Variants in TMEM132A observed in about 807,000 individuals in gnomAD.
TMEM132A encodes GRP78-binding protein.
TMEM132A carries 48 observed loss-of-function variants against 69.9 expected under a neutral mutation model. The observed-to-expected ratio is 0.69, with a 90% CI of 0.55 to 0.87. The LOEUF (loss-of-function observed/expected upper bound fraction) is 0.87. Among genes scored for constraint, TMEM132A ranks in the 40% least tolerant of loss-of-function variants. The pLI is 0.00. For missense variants in TMEM132A, 1,287 were observed against 1,407.2 expected, an observed-to-expected ratio of 0.91 and a Z score of 1.37; for synonymous variants, 577 against 613.7, an observed-to-expected ratio of 0.94 and a Z score of 0.88.
Position 60,934,739 on chromosome 11 carries a change from G to A in TMEM132A, c.1811G>A (p.Arg604Gln), listed in dbSNP as rs769358631. Residue 604 changes from arginine to glutamine, a missense_variant, in exon 9 of 11, where the codon CGG becomes CAG. Arg to Gln is a conservative substitution (Grantham distance 43, BLOSUM62 1). Coordinates refer to ENST00000453848, the MANE Select transcript of TMEM132A (RefSeq NM_178031.3). The part of the protein sequence containing the change: ...SLEGGRVVVG[R>Q]EPGVTSIEVR... ...GAGGGTGGCCGTGTCGTGGTGGGCC[G>A]GGAGCCCGGTGTCACCTCCATTGAG... 6 of 1,603,536 alleles carry A rather than the reference G, an allele frequency of 3.7e-6. No individual in the cohort carries two copies. Among genetic ancestry groups the A allele is most frequent in the Non-Finnish European group, 5.1e-6 (6 of 1,175,724 alleles).
At chr11:60,932,596 T>C (rs573917642) in intron 7 of TMEM132A, 1 of 153,554 alleles carries the variant, frequency 6.5e-6, no homozygotes, top group East Asian at 1.9e-4. Flanking sequence ...ATGGCAGTTA[T>C]TGCTGTTATA....
At chr11:60,930,435 C>G (rs2134899964) in intron 4 of TMEM132A, 75 bp from the exon 5 acceptor site, 1 of 1,485,428 alleles carries the variant, frequency 6.7e-7, no homozygotes, top group Non-Finnish European at 9.0e-7. Context: ...GCTTTGGCTC[C>G]TTGTCTTTCC....
chr11:60,934,728 C>T lies in TMEM132A; in HGVS notation c.1800C>T (p.Val600=), dbSNP rs1856552462. The change falls in exon 9 of 11, where the codon GTC becomes GTT. Residue 600 remains valine, a synonymous_variant. Coordinates refer to ENST00000453848, the MANE Select transcript of TMEM132A (RefSeq NM_178031.3). The part of the protein sequence containing the change: ...SRVASLEGGR[V]VVGREPGVTS... ...TAGCCTCTCTGGAGGGTGGCCGTGTCGTGGTGGGCCGGGAGCCCGGTGTCA... is the reference window on the plus strand; with the variant it reads ...TAGCCTCTCTGGAGGGTGGCCGTGTTGTGGTGGGCCGGGAGCCCGGTGTCA... 1.9e-6 allele frequency: 3 copies of T among 1,604,550 alleles called. No homozygotes were observed. Among genetic ancestry groups the T allele is most frequent in the Middle Eastern group, 1.7e-4 (1 of 6,010 alleles).
rs1590631804 is a variant in TMEM132A, at chr11:60,936,161, C to A, written c.2326C>A (p.Leu776Ile). The A allele has an allele frequency of 6.2e-7, 1 of 1,613,918 alleles. No homozygotes were observed. The highest frequency in any genetic ancestry group is 1.3e-5 in the African/African-American group (1 of 75,036). ...CCCTGCCTCCACTCCAGCCCCTGCT[C>A]TCCCATCCAGCCCTGCTTGGAGCCC... ...LPPASTPAPA[L>I]PSSPAWSPPA... Residue 776 changes from leucine to isoleucine, a missense_variant, in exon 11 of 11, where the codon CTC becomes ATC. Coordinates refer to ENST00000453848, the MANE Select transcript of TMEM132A (RefSeq NM_178031.3).
Position 60,936,889 on chromosome 11 carries a change from G to C in TMEM132A, c.3054G>C (p.Arg1018Ser), listed in dbSNP as rs1856620734. Residue 1018 changes from arginine (R) to serine (S), a missense_variant, in exon 11 of 11, where the codon AGG becomes AGC. Coordinates refer to ENST00000453848, the MANE Select transcript of TMEM132A (RefSeq NM_178031.3). ...DPEELRNYME[R>S]IRGSS ...AGGAGCTTCGCAACTACATGGAGAG[G>C]ATCCGGGGCAGCTCCTGACCCTCCA... The C allele has an allele frequency of 3.2e-6, 5 of 1,556,484 alleles. No individual in the cohort carries two copies. In the East Asian group the frequency reaches 9.0e-5, roughly 28 times the overall value.
In TMEM132A at chr11:60,933,529, T is replaced by G; in HGVS notation, c.1357-13T>G. ...TGGCTTAGCCCGCCCACCTGCCCTC[T>G]GCCCTTCCATAGGTGTCTGAGGCCT... On this transcript the variant is annotated splice_polypyrimidine_tract_variant and intron_variant, in intron 7 of 10. Coordinates refer to ENST00000453848, the MANE Select transcript of TMEM132A (RefSeq NM_178031.3). The G allele has an allele frequency of 1.9e-6, 3 of 1,602,156 alleles. No individual in the cohort carries two copies. In the East Asian group the frequency reaches 6.7e-5, roughly 36 times the overall value.
At position 60,936,502 on chromosome 11, in the gene TMEM132A, C is replaced by T. The variant is rs781601097; in HGVS notation, c.2667C>T (p.Ser889=). Reference sequence around the variant, plus strand: ...CCGACAGTGCCACTGACCCCACCTCCCCCCAGCCCCACAACTGGGTCTGGC... The same window carrying T: ...CCGACAGTGCCACTGACCCCACCTCTCCCCAGCCCCACAACTGGGTCTGGC... ...EPPDSATDPT[S]PQPHNWVWLG... Residue 889 remains serine, a synonymous_variant, in exon 11 of 11, where the codon TCC becomes TCT. Coordinates refer to ENST00000453848, the MANE Select transcript of TMEM132A (RefSeq NM_178031.3). 3.7e-6 allele frequency: 6 copies of T among 1,614,002 alleles called. No homozygotes were observed. The African/African-American group carries it at 4.0e-5, about 11-fold the overall frequency.
At chr11:60,931,554 C>A in intron 5 of TMEM132A, 135 bp from the exon 6 acceptor site, 1 of 878,748 alleles carries the variant, frequency 1.1e-6, no homozygotes, top group African/African-American at 1.7e-5. Context: ...GCTGTGTGGT[C>A]TTAAGTGAGC....
In TMEM132A at chr11:60,924,460, A is replaced by T. The variant is rs964474096; in HGVS notation, c.-174A>T. 2.5e-6 allele frequency: 1 copy of T among 394,326 alleles called. No individual in the cohort carries two copies. Among genetic ancestry groups the T allele is most frequent in the Non-Finnish European group, 4.3e-6 (1 of 231,918 alleles). 24.4% of individuals were successfully genotyped at this position (394,326 alleles called of 1,614,324 possible). A position where few individuals can be genotyped will look rare whatever the true frequency, so the allele number is the denominator to read the frequency against. Reference sequence around the variant, plus strand: ...GCTGCGATTCGCTCCCTCCCACCCCACTGCTCCCGCTCCATTGTCTGGGAA... The same window carrying T: ...GCTGCGATTCGCTCCCTCCCACCCCTCTGCTCCCGCTCCATTGTCTGGGAA... On this transcript the variant is annotated 5_prime_UTR_variant, in exon 1 of 11. Transcript: ENST00000453848.
rs145819088 is a variant in TMEM132A at position 60,935,349 on chromosome 11, T to C, written c.1934T>C (p.Met645Thr). 2.5e-6 allele frequency: 4 copies of C among 1,613,012 alleles called. No individual in the cohort carries two copies. Among genetic ancestry groups the C allele is most frequent in the African/African-American group, 1.3e-5 (1 of 74,986 alleles). ...SVLELRVQPV[M>T]GISLTLSRGT... is the part of the protein sequence containing the mutation. ...CTGGAGCTGAGGGTGCAGCCAGTGA[T>C]GGGCATCTCGCTGACCTTGAGCCGG... Residue 645 changes from methionine to threonine, a missense_variant, in exon 10 of 11, where the codon ATG becomes ACG. Physicochemically the swap from Met to Thr is moderately conservative, Grantham distance 81. Transcript: ENST00000453848. This position sits in a 1 kb window ranked among gnomAD's most constrained non-coding sequence, Gnocchi z 5.0.
chr11:60,936,812 G>C lies in TMEM132A; in HGVS notation c.2977G>C (p.Gly993Arg), dbSNP rs774933451. 6.2e-7 allele frequency: 1 copy of C among 1,613,344 alleles called. No homozygotes were observed. The highest frequency in any genetic ancestry group is 1.1e-5 in the South Asian group (1 of 90,994). ...TGCTGTGCAGTCCATCCTTGTGGCA[G>C]GCGAGGAGGACATCCGCTGGGTGTG... The part of the protein sequence containing the change: ...APAVQSILVA[G>R]EEDIRWVCED... The change falls in exon 11 of 11, where the codon GGC becomes CGC. Residue 993 changes from glycine to arginine, a missense_variant. By Grantham distance (125) the Gly-to-Arg change is moderately radical (BLOSUM62 -2). Transcript: ENST00000453848.
In TMEM132A at chr11:60,932,163, T is replaced by C. The variant is rs373140979; in HGVS notation, c.1356+36T>C. 2.6e-5 allele frequency: 39 copies of C among 1,514,950 alleles called. No homozygotes were observed. In the African/African-American group the frequency reaches 4.9e-4, roughly 19 times the overall value. 93.8% of individuals were successfully genotyped at this position (1,514,950 alleles called of 1,614,324 possible). A position where few individuals can be genotyped will look rare whatever the true frequency, so the allele number is the denominator to read the frequency against. On this transcript the variant is annotated intron_variant, in intron 7 of 10. Coordinates refer to ENST00000453848, the MANE Select transcript of TMEM132A (RefSeq NM_178031.3). ...GGTGCCCAGCTCATGTGAGTCTGCA[T>C]TTGTGTGGGCACAGTTACGCACACA...
Position 60,930,750 on chromosome 11 carries a change from T to C in TMEM132A, c.1016+91T>C, listed in dbSNP as rs556360821. 4.7e-5 allele frequency: 62 copies of C among 1,306,682 alleles called. No homozygotes were observed. The African/African-American group carries it at 8.0e-4, about 17-fold the overall frequency. The allele number at this position is 1,306,682 out of a possible 1,614,324, so 80.9% of individuals were successfully genotyped here. A position where few individuals can be genotyped will look rare whatever the true frequency, so the allele number is the denominator to read the frequency against. Reference sequence around the variant, plus strand: ...GATTTGGAGGCTGCCATGCTGCCTCTAGATCCCCAGGTGAGCAGACCCAAG... The same window carrying C: ...GATTTGGAGGCTGCCATGCTGCCTCCAGATCCCCAGGTGAGCAGACCCAAG... On this transcript the variant is annotated intron_variant, in intron 5 of 10. Coordinates refer to ENST00000453848, the MANE Select transcript of TMEM132A (RefSeq NM_178031.3).
In TMEM132A at chr11:60,924,688, C is replaced by T. The variant is rs1254007876; in HGVS notation, c.55C>T (p.Pro19Ser). 1 of 1,592,036 alleles carries T rather than the reference C, an allele frequency of 6.3e-7. No individual in the cohort carries two copies. The highest frequency in any genetic ancestry group is 8.5e-7 in the Non-Finnish European group (1 of 1,175,876). ...TTAAPRGPYG[P>S]WLCLLVALAL... ...AGCGGCCCCTCGGGGGCCCTACGGC[C>T]CCTGGCTCTGCCTCCTGGTGGCCCT... Residue 19 changes from proline (P) to serine (S), a missense_variant, in exon 1 of 11, where the codon CCC (proline) becomes TCC (serine). Pro to Ser is a moderately conservative substitution (Grantham distance 74). Coordinates refer to ENST00000453848, the MANE Select transcript of TMEM132A (RefSeq NM_178031.3).
In TMEM132A at chr11:60,935,794, GTGGGAGTGGTT is replaced by G; in HGVS notation, c.2029-68_2029-58del. ...TCTCTCCTCCATGTGGCCTATCTCT[GTGGGAGTGGTT>G]TCTCTGTGCATGCGTGCGTGCCCTC... is the stretch of plus-strand genomic sequence containing the variant. On this transcript the variant is annotated intron_variant, in intron 10 of 10. Transcript: ENST00000453848. The surrounding 1 kb of genome is among the most constrained non-coding windows in gnomAD (Gnocchi z 5.0). The G allele has an allele frequency of 6.5e-7, 1 of 1,549,862 alleles. No homozygotes were observed. Among genetic ancestry groups the G allele is most frequent in the South Asian group, 1.2e-5 (1 of 83,740 alleles).
rs899958405 is a variant in TMEM132A, at chr11:60,931,747, G to T, written c.1075G>T (p.Gly359Trp). Residue 359 changes from glycine to tryptophan, a missense_variant, in exon 6 of 11, where the codon GGG (glycine) becomes TGG (tryptophan). Coordinates refer to ENST00000453848, the MANE Select transcript of TMEM132A (RefSeq NM_178031.3). ...VDFVVENSTG[G>W]GVAVTRPVTW... ...CTTTGTGGTGGAGAATAGCACTGGT[G>T]GGGGCGTAGCGGTCACTCGCCCCGT... 9.3e-6 allele frequency: 15 copies of T among 1,614,198 alleles called. No homozygotes were observed. The highest frequency in any genetic ancestry group is 1.2e-5 in the Non-Finnish European group (14 of 1,180,040).
At position 60,927,824 on chromosome 11, in the gene TMEM132A, C is replaced by A; in HGVS notation, c.499C>A (p.Pro167Thr). ...LPCARLHATHPAGTAHQACRF... is the reference protein window; with the variant it reads ...LPCARLHATHTAGTAHQACRF... Reference sequence around the variant, plus strand: ...CTGTGCCCGGCTCCATGCCACACACCCTGCCGGCACTGCTCACCAAGCCTG... The same window carrying A: ...CTGTGCCCGGCTCCATGCCACACACACTGCCGGCACTGCTCACCAAGCCTG... The change falls in exon 3 of 11, where the codon CCT becomes ACT. Residue 167 changes from proline to threonine, a missense_variant. Physicochemically the swap from Pro to Thr is conservative, Grantham distance 38 (BLOSUM62 -1). Coordinates refer to ENST00000453848, the MANE Select transcript of TMEM132A (RefSeq NM_178031.3). 1 of 1,611,824 alleles carries A rather than the reference C, an allele frequency of 6.2e-7. No individual in the cohort carries two copies. Among genetic ancestry groups the A allele is most frequent in the East Asian group, 2.2e-5 (1 of 44,878 alleles).
Position 60,935,577 on chromosome 11 carries a change from A to G in TMEM132A, c.2028+134A>G. 8.1e-6 allele frequency: 8 copies of G among 991,030 alleles called. No homozygotes were observed. The highest frequency in any genetic ancestry group is 1.2e-5 in the Non-Finnish European group (8 of 681,370). The allele number at this position is 991,030 out of a possible 1,614,324, so 61.4% of individuals were successfully genotyped here. On this transcript the variant is annotated intron_variant, in intron 10 of 10. Transcript: ENST00000453848. The surrounding 1 kb of genome is among the most constrained non-coding windows in gnomAD (Gnocchi z 5.0). ...AGAGTGAGGACTGACTCTGTGAGGT[A>G]GTGAGCTCTCTGCAGCTGGAGGTGA...
chr11:60,930,613 A>G lies in TMEM132A; in HGVS notation c.970A>G (p.Thr324Ala). Residue 324 changes from threonine (T) to alanine (A), a missense_variant, in exon 5 of 11, where the codon ACC becomes GCC. By Grantham distance (58) the Thr-to-Ala change is moderately conservative. Transcript: ENST00000453848. ...DRFKGSRHHT[T>A]LITCHRAGLT... The stretch of plus-strand genomic sequence containing the variant: ...CTTCAAGGGCTCCAGGCACCACACC[A>G]CCCTCATCACCTGCCACCGTGCTGG... 1 of 1,612,876 alleles carries G rather than the reference A, an allele frequency of 6.2e-7. No individual in the cohort carries two copies. The highest frequency in any genetic ancestry group is 8.5e-7 in the Non-Finnish European group (1 of 1,179,626).
Sources: gnomAD v4.1 joint callset for allele counts on GRCh38, gnomAD v4.1.1 for gene constraint, Gnocchi (gnomAD v3.1) non-coding constraint, MANE v1.5 for transcripts, NCBI Gene and HGNC (gene_info 2026-07-23, HGNC 2026-07-21) for gene names.